Variants in DACH1 observed in about 807,000 individuals in gnomAD.
The protein encoded by DACH1 is dachshund homolog 1.
DACH1 carries 12 observed loss-of-function variants against 54.2 expected under a neutral mutation model. The observed-to-expected ratio is 0.22, with a 90% confidence interval of 0.14 to 0.36. DACH1 has a LOEUF of 0.36. DACH1 is among the 10% of genes least tolerant of loss of function. The probability of loss-of-function intolerance (pLI) is 1.00; values close to 1 mark genes in which losing one functional copy is unlikely to be tolerated. For synonymous variants in DACH1, 386 were observed against 366.2 expected (o/e 1.05, Z -0.62); for missense variants, 805 against 929.8 (o/e 0.87, Z 1.75).
intron 6 of DACH1, among the ~76,000 whole-genome samples, chr13:71,555,811 G>C (rs904283026): frequency 6.6e-6 from 1 of 152,044 alleles, no homozygotes; most frequent in Non-Finnish European, 1.5e-5. Flanking sequence ...TGACCTAGTC[G>C]TGCACTGCAT....
chr13:71,755,417 A>C (rs928477099), intron 1 of DACH1, among the ~76,000 whole-genome samples: 5 of 152,162 alleles, frequency 3.3e-5, no homozygotes, highest in African/African-American at 1.2e-4. Context: ...GGCCAGACGA[A>C]ACTGGTGTTA....
At chr13:71,844,455 C>A (rs1419953439) in intron 1 of DACH1, among the ~76,000 whole-genome samples, 1 of 152,120 alleles carries the variant, frequency 6.6e-6, no homozygotes, top group Admixed American at 6.6e-5. Context: ...ATTCAACAAA[C>A]CACCATTAAA....
chr13:71,487,894 G>C (rs1878668689), intron 7 of DACH1, among the ~76,000 whole-genome samples: 2 of 152,080 alleles, frequency 1.3e-5, no homozygotes, highest in Non-Finnish European at 2.9e-5. Context: ...AGAAAGAAAA[G>C]TCTTTTGTTT....
rs1873909146 is a variant in DACH1, at chr13:71,440,427, A to T, written c.*228T>A. The T allele has an allele frequency of 2.2e-6, 1 of 452,126 alleles. No homozygotes were observed. Among genetic ancestry groups the T allele is most frequent in the Non-Finnish European group, 3.9e-6 (1 of 257,214 alleles). 28.0% of individuals were successfully genotyped at this position (452,126 alleles called of 1,614,324 possible). A position where few individuals can be genotyped will look rare whatever the true frequency, so the allele number is the denominator to read the frequency against. On this transcript the variant is annotated 3_prime_UTR_variant, in exon 11 of 11. Coordinates refer to ENST00000613252, the MANE Select transcript of DACH1 (RefSeq NM_080759.6). ...AGTAATTAACTGTAAGAACTTTGATACTTGTACATTTACAAACATTCTCAG... is the reference window on the plus strand; with the variant it reads ...AGTAATTAACTGTAAGAACTTTGATTCTTGTACATTTACAAACATTCTCAG...
At chr13:71,484,710 T>C (rs1367279154) in intron 7 of DACH1, among the ~76,000 whole-genome samples, 1 of 152,208 alleles carries the variant, frequency 6.6e-6, no homozygotes, top group Non-Finnish European at 1.5e-5. Flanking sequence ...AGCCTTTTTG[T>C]AACAAGATAA....
At chr13:71,583,957 T>A (rs1873046061) in intron 3 of DACH1, among the ~76,000 whole-genome samples, 1 of 152,200 alleles carries the variant, frequency 6.6e-6, no homozygotes, top group Non-Finnish European at 1.5e-5. Context: ...CTTTGTAATC[T>A]CAAACTGTCT....
intron 1 of DACH1, among the ~76,000 whole-genome samples, chr13:71,786,236 G>A (rs140264684): frequency 1.3e-3 from 205 of 152,312 alleles, no homozygotes; most frequent in African/African-American, 4.8e-3. Context: ...ATGCACATGT[G>A]CATGTAAGCA....
At position 71,455,539 on chromosome 13, in the gene DACH1, C is replaced by T. The variant is rs147822348; in HGVS notation, c.2084-14847G>A. 4.6e-3 allele frequency among the ~76,000 whole-genome samples: 697 copies of T among 152,056 alleles called. 5 individuals carry two copies. Among genetic ancestry groups the T allele is most frequent in the Non-Finnish European group, 7.7e-3 (524 of 67,970 alleles). On this transcript the variant is annotated intron_variant, in intron 10 of 10. Coordinates refer to ENST00000613252, the MANE Select transcript of DACH1 (RefSeq NM_080759.6). ...CTTCTCAGAAATAAAAACAATAATT[C>T]GAAATAGTTTAATTCTCAGATCAAA...
At chr13:71,680,939 C>A (rs1880858704) in intron 2 of DACH1, among the ~76,000 whole-genome samples, 1 of 151,912 alleles carries the variant, frequency 6.6e-6, no homozygotes, top group Non-Finnish European at 1.5e-5. Context: ...TCTCATCTTG[C>A]CTGATTACCT....
At position 71,866,479 on chromosome 13, in the gene DACH1, G is replaced by A; in HGVS notation, c.291C>T (p.Gly97=). 3 of 1,248,660 alleles carry A rather than the reference G, an allele frequency of 2.4e-6. No homozygotes were observed. The highest frequency in any genetic ancestry group is 3.0e-6 in the Non-Finnish European group (3 of 993,880). 77.3% of individuals were successfully genotyped at this position (1,248,660 alleles called of 1,614,324 possible). ...GSSGNGGGGG[G]GGGGSNCNPN... is the part of the protein sequence containing the mutation. ...GGTTGCAGTTGCTGCCACCGCCGCC[G>A]CCGCCACCGCCGCCTCCGTTGCCGC... is the stretch of plus-strand genomic sequence containing the variant. The change falls in exon 1 of 11, where the codon GGC becomes GGT. Residue 97 remains glycine (G), a synonymous_variant. Coordinates refer to ENST00000613252, the MANE Select transcript of DACH1 (RefSeq NM_080759.6).
intron 6 of DACH1, among the ~76,000 whole-genome samples, chr13:71,518,348 T>A (rs1881316153): frequency 6.6e-6 from 1 of 151,382 alleles, no homozygotes; most frequent in Non-Finnish European, 1.5e-5. Context: ...AAACCAAAAC[T>A]ACCCAAACCT....
At chr13:71,646,907 A>C (rs1294163256) in intron 2 of DACH1, among the ~76,000 whole-genome samples, 1 of 152,196 alleles carries the variant, frequency 6.6e-6, no homozygotes, top group Non-Finnish European at 1.5e-5. Context: ...CAAAAGGCAA[A>C]GAATGTGTGC....
chr13:71,541,958 A>G (rs914261683), intron 6 of DACH1, among the ~76,000 whole-genome samples: 1 of 142,814 alleles, frequency 7.0e-6, no homozygotes, highest in Non-Finnish European at 1.5e-5. Context: ...TCATCTTCAC[A>G]AATTTCAGGC....
rs1224517835 is a variant in DACH1 at position 71,866,005 on chromosome 13, G to C, written c.765C>G (p.Gly255=). ...AGCGGTTCACTCCTGGCTGGATGGC[G>C]CCCAGTCCCCTCAGGATGCGAACTT... ...VEQVRILRGL[G]AIQPGVNRCK... The change falls in exon 1 of 11, where the codon GGC becomes GGG. Residue 255 remains glycine, a synonymous_variant. Transcript: ENST00000613252. The C allele has an allele frequency of 6.2e-7, 1 of 1,613,908 alleles. No individual in the cohort carries two copies. The highest frequency in any genetic ancestry group is 1.7e-5 in the Admixed American group (1 of 60,000).
At chr13:71,705,069 G>T (rs1438913614) in intron 1 of DACH1, among the ~76,000 whole-genome samples, 1 of 152,132 alleles carries the variant, frequency 6.6e-6, no homozygotes, top group Admixed American at 6.5e-5. Flanking sequence ...GTTGAAACTA[G>T]CACTAAGCTA....
At chr13:71,671,261 G>T (rs1430846122) in intron 2 of DACH1, among the ~76,000 whole-genome samples, 2 of 150,598 alleles carry the variant, frequency 1.3e-5, no homozygotes, top group Admixed American at 6.6e-5. Context: ...GAGGACAAAA[G>T]AAAAAATATA....
chr13:71,590,943 A>ATC (rs1370476395), intron 3 of DACH1, among the ~76,000 whole-genome samples: 1 of 129,528 alleles, frequency 7.7e-6, no homozygotes, highest in Non-Finnish European at 1.5e-5. Context: ...CAGGGGCGCC[A>ATC]TCTCAGGTCA....
chr13:71,473,860 G>A (rs1398931024), intron 10 of DACH1, among the ~76,000 whole-genome samples: 1 of 152,066 alleles, frequency 6.6e-6, no homozygotes, highest in Non-Finnish European at 1.5e-5. Flanking sequence ...TGTCTTGTTG[G>A]TGCTATTGTC....
intron 1 of DACH1, among the ~76,000 whole-genome samples, chr13:71,859,193 T>G (rs926691004): frequency 2.0e-5 from 3 of 151,696 alleles, no homozygotes; most frequent in African/African-American, 7.2e-5. Context: ...CCAATTTGGA[T>G]CAGAAAGCAA....
Sources: allele counts gnomAD v4.1 joint callset (sites outside exome capture counted in the v4.1 genomes callset), GRCh38; gene constraint gnomAD v4.1.1; transcripts MANE v1.5; gene names NCBI Gene and HGNC (gene_info 2026-07-23, HGNC 2026-07-21).